Variants in GSE1 observed in about 807,000 individuals in gnomAD.
GSE1 encodes the protein genetic suppressor element 1.
Under a neutral mutation model 112.6 loss-of-function variants are expected in GSE1, and 32 were observed. That is an observed-to-expected ratio of 0.28 (90% CI 0.21 to 0.38). The LOEUF is 0.38. GSE1 is among the 10% of genes least tolerant of loss of function. GSE1 has a pLI of 1.00. For missense variants in GSE1, 2,348 were observed against 1,699.2 expected (o/e 1.38, Z -6.71); for synonymous variants, 1,115 against 735.6 (o/e 1.52, Z -8.35).
chr16:85,585,852 A>G (rs1446744215), intron 1 of GSE1, among the ~76,000 whole-genome samples: 1 of 152,152 alleles, frequency 6.6e-6, no homozygotes, highest in Non-Finnish European at 1.5e-5. Flanking sequence ...CTGTGTGAGG[A>G]GTGTGGACTT....
intron 1 of GSE1, among the ~76,000 whole-genome samples, chr16:85,331,471 ATGTATATATG>A (rs200394166): frequency 0.013 from 1,864 of 140,894 alleles, 81 homozygotes; most frequent in East Asian, 0.023. Flanking sequence ...GTGTGTATAT[ATGTATATATG>A]TGTATATATG....
chr16:85,217,240 G>A (rs1204791405), intron 1 of GSE1, among the ~76,000 whole-genome samples: 1 of 152,238 alleles, frequency 6.6e-6, no homozygotes, highest in African/African-American at 2.4e-5. Context: ...TTGGGACGAT[G>A]GGGGAAAAGG....
intron 2 of GSE1, among the ~76,000 whole-genome samples, chr16:85,638,573 G>C (rs2050192011): frequency 6.6e-6 from 1 of 152,156 alleles, no homozygotes; most frequent in Non-Finnish European, 1.5e-5. Flanking sequence ...ATGAATCGTG[G>C]GGACTGGGTG....
At chr16:85,229,409 G>T (rs1340801371) in intron 1 of GSE1, among the ~76,000 whole-genome samples, 1 of 152,232 alleles carries the variant, frequency 6.6e-6, no homozygotes, top group Non-Finnish European at 1.5e-5. Context: ...GCACCCCTCT[G>T]GCCTTCCCTG....
At chr16:85,286,870 T>C (rs1367205494) in intron 1 of GSE1, among the ~76,000 whole-genome samples, 1 of 152,232 alleles carries the variant, frequency 6.6e-6, no homozygotes, top group East Asian at 1.9e-4. Flanking sequence ...CGCAGTTTTT[T>C]TCGTTGTCCC....
intron 2 of GSE1, among the ~76,000 whole-genome samples, chr16:85,392,009 G>A (rs879366395): frequency 1.2e-4 from 19 of 152,018 alleles, no homozygotes; most frequent in Non-Finnish European, 2.5e-4. Flanking sequence ...TGTCCTTCCT[G>A]GGAACTCCTC....
rs59825091 is a variant in GSE1 at position 85,479,188 on chromosome 16, A to ATTTTTTT, written c.2464+121564_2464+121570dup. Among the ~76,000 whole-genome samples, 558 of 82,450 alleles carry ATTTTTTT rather than the reference A, an allele frequency of 6.8e-3. 53 individuals carry two copies. The highest frequency in any genetic ancestry group is 0.028 in the African/African-American group (529 of 19,152). 54.1% of individuals were successfully genotyped at this position (82,450 alleles called of 152,430 possible). On this transcript the variant is annotated intron_variant, in intron 2 of 2. Coordinates refer to the GSE1 transcript ENST00000637419. The stretch of plus-strand genomic sequence containing the variant: ...AGGCGCCCGCCACCATGCCCGGCTA[A>ATTTTTTT]TTTTTTTTTTTTTTTTTTTTTTTTT...
upstream of GSE1, among the ~76,000 whole-genome samples, chr16:85,609,339 T>C (rs1408257989): frequency 6.6e-6 from 1 of 152,182 alleles, no homozygotes; most frequent in Non-Finnish European, 1.5e-5. Context: ...GCCCAAATGA[T>C]CCTCCTGCCT....
chr16:85,219,158 A>G (rs1422843379), intron 1 of GSE1, among the ~76,000 whole-genome samples: 1 of 151,950 alleles, frequency 6.6e-6, no homozygotes, highest in African/African-American at 2.4e-5. Flanking sequence ...GATTACAGGC[A>G]TGAGCCACCG....
At chr16:85,550,631 C>T (rs1446655857) in intron 2 of GSE1, among the ~76,000 whole-genome samples, 1 of 152,192 alleles carries the variant, frequency 6.6e-6, no homozygotes, top group Non-Finnish European at 1.5e-5. Flanking sequence ...GGCACAGCTC[C>T]CAGCCGAGGC....
At position 85,646,086 on chromosome 16, in the gene GSE1, A is replaced by C. The variant is rs970026804; in HGVS notation, c.227-2466A>C. ...CTATGCATGCATTCTACCTGCTTCT[A>C]CCACGCTTCCTATGCATGCATTCTA... On this transcript the variant is annotated intron_variant, in intron 2 of 15. Transcript: ENST00000253458. Among the ~76,000 whole-genome samples the C allele has an allele frequency of 1.2e-3, 144 of 117,952 alleles. 8 individuals carry two copies. Among genetic ancestry groups the C allele is most frequent in the African/African-American group, 5.2e-3 (124 of 23,920 alleles). The allele number at this position is 117,952 out of a possible 152,430, so 77.4% of individuals were successfully genotyped here. A position where few individuals can be genotyped will look rare whatever the true frequency, so the allele number is the denominator to read the frequency against.
intron 1 of GSE1, among the ~76,000 whole-genome samples, chr16:85,567,689 C>T (rs1376715169): frequency 6.6e-6 from 1 of 152,212 alleles, no homozygotes; most frequent in Non-Finnish European, 1.5e-5. Context: ...AGGGACAAGC[C>T]TGCCCATTTT....
rs554681787 is a variant in GSE1, at chr16:85,312,114, G to A, written c.2284-45349G>A. Reference sequence around the variant, plus strand: ...AAGAACAGGACGCTCAGACTCTCCTGCTGGCCCCCTCGCCCACCGCTTCCA... The same window carrying A: ...AAGAACAGGACGCTCAGACTCTCCTACTGGCCCCCTCGCCCACCGCTTCCA... On this transcript the variant is annotated intron_variant, in intron 1 of 2. Transcript: ENST00000637419. Among the ~76,000 whole-genome samples the A allele has an allele frequency of 5.3e-4, 79 of 148,532 alleles. No individual in the cohort carries two copies. The South Asian group carries it at 0.016, about 30-fold the overall frequency.
intron 1 of GSE1, among the ~76,000 whole-genome samples, chr16:85,322,802 GA>G (rs1483827489): frequency 2.0e-5 from 3 of 152,070 alleles, no homozygotes; most frequent in African/African-American, 7.2e-5. Flanking sequence ...TTTTAGTAGA[GA>G]GGGGGTTTCA....
chr16:85,467,936 C>T (rs1389671576), intron 2 of GSE1, among the ~76,000 whole-genome samples: 13 of 152,138 alleles, frequency 8.5e-5, no homozygotes, highest in Admixed American at 8.5e-4. Flanking sequence ...TCGTCTGCAT[C>T]GAAAGCTACA....
At chr16:85,449,155 G>A (rs1302627715) in intron 2 of GSE1, among the ~76,000 whole-genome samples, 6 of 152,230 alleles carry the variant, frequency 3.9e-5, no homozygotes, top group Non-Finnish European at 2.9e-5. Context: ...GAGAACGGAA[G>A]GCTGTTTTTC....
At chr16:85,292,870 G>C (rs542596293) in intron 1 of GSE1, among the ~76,000 whole-genome samples, 7 of 152,346 alleles carry the variant, frequency 4.6e-5, no homozygotes, top group African/African-American at 1.7e-4. Context: ...GTGAAACAGG[G>C]ACAATGCTAG....
Position 85,199,650 on chromosome 16 carries a change from G to A in GSE1, c.2283+27843G>A, listed in dbSNP as rs569290413. ...GAAAAGTGCTGCGGGCCGGAACACC[G>A]AGTTTGCAGCTCTTCCCTTTTTTTT... On this transcript the variant is annotated intron_variant, in intron 1 of 2. Coordinates refer to the GSE1 transcript ENST00000637419. 1.1e-4 allele frequency among the ~76,000 whole-genome samples: 16 copies of A among 152,274 alleles called. No individual in the cohort carries two copies. The East Asian group carries it at 2.3e-3, about 22-fold the overall frequency.
At chr16:85,581,383 G>T (rs547155982) in intron 1 of GSE1, among the ~76,000 whole-genome samples, 77 of 152,336 alleles carry the variant, frequency 5.1e-4, no homozygotes, top group African/African-American at 1.8e-3. Flanking sequence ...GGTGTCCCTG[G>T]CAACTGAATG....
Sources: gnomAD v4.1 joint callset for allele counts (sites outside exome capture counted in the v4.1 genomes callset) on GRCh38, gnomAD v4.1.1 for gene constraint, MANE v1.5 for transcripts, NCBI Gene and HGNC (gene_info 2026-07-23, HGNC 2026-07-21) for gene names.